Variants in TMEM140 observed in about 807,000 individuals in gnomAD.
TMEM140 encodes transmembrane protein 140.
For synonymous variants in TMEM140, 107 were observed against 106.8 expected (o/e 1.00, Z -0.01); for missense variants, 236 against 228.5 (o/e 1.03, Z -0.21).
In TMEM140 at chr7:135,164,946, G is replaced by A; in HGVS notation, c.505G>A (p.Ala169Thr). The A allele has an allele frequency of 6.2e-7, 1 of 1,611,956 alleles. No homozygotes were observed. Among genetic ancestry groups the A allele is most frequent in the Non-Finnish European group, 8.5e-7 (1 of 1,178,452 alleles). The change falls in exon 2 of 2, where the codon GCT becomes ACT. Residue 169 changes from alanine to threonine, a missense_variant. By Grantham distance (58) the Ala-to-Thr change is moderately conservative. Coordinates refer to ENST00000275767, the MANE Select transcript of TMEM140 (RefSeq NM_018295.5). ...ALLILLLIAM[A>T]VFPLRAERAE... ...ACTCATCCTCTTGCTTATAGCCATGGCTGTGTTCCCTCTGAGGGCTGAGAG... is the reference window on the plus strand; with the variant it reads ...ACTCATCCTCTTGCTTATAGCCATGACTGTGTTCCCTCTGAGGGCTGAGAG...
chr7:135,152,154 A>T (rs1829679779), intron 1 of TMEM140, among the ~76,000 whole-genome samples: 1 of 152,274 alleles, frequency 6.6e-6, no homozygotes, highest in African/African-American at 2.4e-5. Flanking sequence ...AAGCCATTTT[A>T]CAGATGAAAA....
chr7:135,159,111 G>A (rs979257300), intron 1 of TMEM140, among the ~76,000 whole-genome samples: 7 of 152,280 alleles, frequency 4.6e-5, no homozygotes, highest in African/African-American at 1.2e-4. Context: ...ACTCTCAGTC[G>A]GTTCCCAGCT....
chr7:135,154,058 TG>T (rs1211549585), intron 1 of TMEM140, among the ~76,000 whole-genome samples: 1 of 152,192 alleles, frequency 6.6e-6, no homozygotes, highest in African/African-American at 2.4e-5. Flanking sequence ...GGTTCAATCT[TG>T]GGGGATTTTG....
chr7:135,164,324 G>A, intron 1 of TMEM140, 94 bp from the exon 2 acceptor site: 1 of 1,083,984 alleles, frequency 9.2e-7, no homozygotes, highest in Non-Finnish European at 1.3e-6. Flanking sequence ...CTTGCCATGA[G>A]TTTGTAAGAA....
rs1184001368 is a variant in TMEM140 at position 135,165,613 on chromosome 7, G to A, written c.*614G>A. 6.0e-6 allele frequency: 1 copy of A among 167,432 alleles called. No individual in the cohort carries two copies. The highest frequency in any genetic ancestry group is 1.5e-5 in the Non-Finnish European group (1 of 68,478). The allele number at this position is 167,432 out of a possible 1,614,324, so 10.4% of individuals were successfully genotyped here. On this transcript the variant is annotated 3_prime_UTR_variant, in exon 2 of 2. Transcript: ENST00000275767. The stretch of plus-strand genomic sequence containing the variant: ...GGCTTGACTGCTTCAAAGCTTCCCT[G>A]GACCTGAAGCCAGACAGGGCAGAGG...
At chr7:135,150,289 T>C (rs536036467) in intron 1 of TMEM140, among the ~76,000 whole-genome samples, 1 of 152,240 alleles carries the variant, frequency 6.6e-6, no homozygotes, top group Non-Finnish European at 1.5e-5. Context: ...CCTGACCCTA[T>C]AATCTAGTCA....
At chr7:135,152,527 A>G (rs747090269) in intron 1 of TMEM140, among the ~76,000 whole-genome samples, 9 of 152,222 alleles carry the variant, frequency 5.9e-5, no homozygotes, top group Non-Finnish European at 8.8e-5. Context: ...TCTACCCTAC[A>G]TGGTTGTAAG....
At chr7:135,157,592 G>GT (rs1162217479) in intron 1 of TMEM140, among the ~76,000 whole-genome samples, 2 of 152,230 alleles carry the variant, frequency 1.3e-5, no homozygotes, top group African/African-American at 2.4e-5. Flanking sequence ...GGTGAGCCCA[G>GT]TGTGTGGGCA....
chr7:135,153,772 C>T lies in TMEM140; in HGVS notation c.-25+5502C>T, dbSNP rs146320424. Among the ~76,000 whole-genome samples the T allele has an allele frequency of 7.9e-5, 12 of 152,272 alleles. No individual in the cohort carries two copies. The East Asian group carries it at 2.1e-3, about 27-fold the overall frequency. Reference sequence around the variant, plus strand: ...ATTTTGTTGAGGATTTTTGCATCTACGTTCACAGGGATATTGGTCTGTGTT... The same window carrying T: ...ATTTTGTTGAGGATTTTTGCATCTATGTTCACAGGGATATTGGTCTGTGTT... On this transcript the variant is annotated intron_variant, in intron 1 of 1. Transcript: ENST00000275767.
intron 1 of TMEM140, among the ~76,000 whole-genome samples, chr7:135,163,074 C>T (rs768780119): frequency 3.9e-5 from 6 of 152,176 alleles, no homozygotes; most frequent in Admixed American, 2.6e-4. Context: ...ATTCACACAG[C>T]GTCTTCACTT....
chr7:135,164,513 C>A lies in TMEM140; in HGVS notation c.72C>A (p.Val24=). The A allele has an allele frequency of 6.2e-7, 1 of 1,613,648 alleles. No homozygotes were observed. The highest frequency in any genetic ancestry group is 8.5e-7 in the Non-Finnish European group (1 of 1,179,536). Residue 24 remains valine, a synonymous_variant, in exon 2 of 2, where the codon GTC becomes GTA. Transcript: ENST00000275767. ...GCATCATAGTCCTCGTGATTGTGGTCATCTGCCTGATGTTTTACGCTCTTC... is the reference window on the plus strand; with the variant it reads ...GCATCATAGTCCTCGTGATTGTGGTAATCTGCCTGATGTTTTACGCTCTTC... The part of the protein sequence containing the change: ...FMSIIVLVIV[V]ICLMFYALLW...
intron 1 of TMEM140, chr7:135,153,004 T>C (rs931085964): frequency 6.6e-6 from 1 of 152,016 alleles, no homozygotes; most frequent in South Asian, 2.1e-4. Flanking sequence ...AACAATCCCA[T>C]TAAAAAGTGG....
chr7:135,162,289 TTGC>T (rs1164753851), intron 1 of TMEM140, among the ~76,000 whole-genome samples: 1 of 152,220 alleles, frequency 6.6e-6, no homozygotes, highest in African/African-American at 2.4e-5. Flanking sequence ...ACGACTCATT[TTGC>T]TGCTGAACAC....
chr7:135,150,005 C>A (rs1251908267), intron 1 of TMEM140, among the ~76,000 whole-genome samples: 1 of 152,106 alleles, frequency 6.6e-6, no homozygotes, highest in Non-Finnish European at 1.5e-5. Flanking sequence ...CTGTGCAATT[C>A]TTTATTTGTA....
Position 135,164,684 on chromosome 7 carries a change from C to T in TMEM140, c.243C>T (p.Gly81=), listed in dbSNP as rs1430909400. The T allele has an allele frequency of 6.2e-7, 1 of 1,614,084 alleles. No homozygotes were observed. Among genetic ancestry groups the T allele is most frequent in the East Asian group, 2.2e-5 (1 of 44,872 alleles). ...TGGGGGTGCCTCGGGTTGGCCTGGG[C>T]CTGGCCAGGCTTGGCGTGTACGGGT... ...EALGVPRVGL[G]LARLGVYGSL... The change falls in exon 2 of 2, where the codon GGC becomes GGT. Residue 81 remains glycine, a synonymous_variant. Coordinates refer to ENST00000275767, the MANE Select transcript of TMEM140 (RefSeq NM_018295.5).
At chr7:135,152,864 C>G (rs766997746) in intron 1 of TMEM140, 11 of 152,142 alleles carry the variant, frequency 7.2e-5, no homozygotes, top group Non-Finnish European at 1.0e-4. Flanking sequence ...AAGTTCCATG[C>G]GGCAGTCCTC....
chr7:135,160,944 G>GTGGC (rs1282742406), intron 1 of TMEM140, among the ~76,000 whole-genome samples: 2 of 152,188 alleles, frequency 1.3e-5, no homozygotes, highest in African/African-American at 4.8e-5. Context: ...GAGCTGGGGG[G>GTGGC]TGGCTGAGGA....
At chr7:135,162,748 G>C (rs1169193537) in intron 1 of TMEM140, among the ~76,000 whole-genome samples, 2 of 152,178 alleles carry the variant, frequency 1.3e-5, no homozygotes, top group Non-Finnish European at 2.9e-5. Flanking sequence ...GATTTGGGTA[G>C]GGACACAGCC....
At chr7:135,164,119 T>C (rs1298376282) in intron 1 of TMEM140, among the ~76,000 whole-genome samples, 1 of 152,256 alleles carries the variant, frequency 6.6e-6, no homozygotes, top group East Asian at 1.9e-4. Context: ...TTGTTGTATT[T>C]GGACTGGAGC....
Sources: allele counts gnomAD v4.1 joint callset (sites outside exome capture counted in the v4.1 genomes callset), GRCh38; gene constraint gnomAD v4.1.1; transcripts MANE v1.5; gene names NCBI Gene and HGNC (gene_info 2026-07-23, HGNC 2026-07-21).